Variants in RABGAP1L observed in about 807,000 individuals in gnomAD.
RABGAP1L encodes RAB GTPase activating protein 1 like, also known as rab GTPase-activating protein 1-like.
In RABGAP1L, 63 loss-of-function variants were observed where a neutral mutation model predicts 137.7. The ratio of observed to expected loss-of-function variants is 0.46; its 90% CI spans 0.37 to 0.56. The LOEUF (loss-of-function observed/expected upper bound fraction) is 0.56, where lower values mean the gene tolerates loss of function less well. Ranked by LOEUF, RABGAP1L falls within the 20% of genes least tolerant of loss-of-function variation. RABGAP1L has a pLI of 0.00. For missense variants in RABGAP1L, 1,095 were observed against 1,244.0 expected, an observed-to-expected ratio of 0.88 and a Z score of 1.80; for synonymous variants, 431 against 433.7, an observed-to-expected ratio of 0.99 and a Z score of 0.08.
At position 174,982,844 on chromosome 1, in the gene RABGAP1L, A is replaced by G. The variant is rs1339301085; in HGVS notation, c.2744A>G (p.Gln915Arg). The change falls in exon 24 of 26, where the codon CAG (glutamine) becomes CGG (arginine). Residue 915 changes from glutamine (Q) to arginine (R), a missense_variant. By Grantham distance (43) the Gln-to-Arg change is conservative. Coordinates refer to ENST00000681986, the MANE Select transcript of RABGAP1L (RefSeq NM_001366446.1). ...IIAEYKQICSQLSTRLEKQQA... is the reference protein window; with the variant it reads ...IIAEYKQICSRLSTRLEKQQA... Reference sequence around the variant, plus strand: ...TTTTCTCATCCTTAGATCTGTTCGCAGTTGAGTACCAGGCTGGAGAAACAG... The same window carrying G: ...TTTTCTCATCCTTAGATCTGTTCGCGGTTGAGTACCAGGCTGGAGAAACAG... 6.5e-7 allele frequency: 1 copy of G among 1,550,352 alleles called. No homozygotes were observed. The highest frequency in any genetic ancestry group is 2.0e-5 in the Admixed American group (1 of 50,992).
intron 11 of RABGAP1L, chr1:174,367,489 T>TA (rs1402850120): frequency 5.2e-6 from 1 of 193,894 alleles, no homozygotes; most frequent in East Asian, 1.6e-4. Flanking sequence ...AAAGAAAAGT[T>TA]ACCTGTGAAG....
At chr1:174,581,759 A>T (rs562591056) in intron 13 of RABGAP1L, among the ~76,000 whole-genome samples, 1 of 152,242 alleles carries the variant, frequency 6.6e-6, no homozygotes, top group East Asian at 1.9e-4. Flanking sequence ...TTTCTGGGAG[A>T]CAAAGCTCAG....
intron 18 of RABGAP1L, among the ~76,000 whole-genome samples, chr1:174,770,928 C>T (rs1686069552): frequency 6.6e-6 from 1 of 152,196 alleles, no homozygotes; most frequent in Non-Finnish European, 1.5e-5. Context: ...GTTGTCACAT[C>T]TAATAGGGGA....
At chr1:174,496,076 A>C (rs1660706980) in intron 13 of RABGAP1L, among the ~76,000 whole-genome samples, 1 of 152,182 alleles carries the variant, frequency 6.6e-6, no homozygotes, top group Non-Finnish European at 1.5e-5. Context: ...AACTGTAGAC[A>C]TGAAAGTTTA....
intron 4 of RABGAP1L, among the ~76,000 whole-genome samples, chr1:174,233,987 G>A (rs1198710743): frequency 7.3e-6 from 1 of 137,588 alleles, no homozygotes; most frequent in East Asian, 2.0e-4. Context: ...ATCTCATAGT[G>A]GTTTTGATTT....
rs1014469311 is a variant in RABGAP1L, at chr1:174,309,379, C to T, written c.1465+4252C>T. On this transcript the variant is annotated intron_variant, in intron 11 of 25. Coordinates refer to ENST00000681986, the MANE Select transcript of RABGAP1L (RefSeq NM_001366446.1). ...TCTTGCCTAATTGCTTTGGCCAGGA[C>T]TCATTACTATTTTGAATAGAAGTGG... Among the ~76,000 whole-genome samples the T allele has an allele frequency of 3.9e-5, 6 of 152,150 alleles. No homozygotes were observed. The East Asian group carries it at 1.2e-3, about 29-fold the overall frequency.
intron 13 of RABGAP1L, among the ~76,000 whole-genome samples, chr1:174,509,264 A>G (rs1432235547): frequency 2.0e-5 from 3 of 152,222 alleles, no homozygotes; most frequent in South Asian, 2.1e-4. Flanking sequence ...TGTAATACCT[A>G]TTCTATATCC....
At chr1:174,824,913 T>C (rs898007921) in intron 19 of RABGAP1L, among the ~76,000 whole-genome samples, 1 of 152,176 alleles carries the variant, frequency 6.6e-6, no homozygotes. Flanking sequence ...CCAACTGTTG[T>C]TTGTCAAGCC....
At chr1:174,617,609 A>G (rs1672011057) in intron 13 of RABGAP1L, among the ~76,000 whole-genome samples, 1 of 152,204 alleles carries the variant, frequency 6.6e-6, no homozygotes, top group Admixed American at 6.5e-5. Flanking sequence ...TGCTGTTATA[A>G]AAGGGCATAC....
chr1:174,535,484 A>G (rs912584164), intron 13 of RABGAP1L, among the ~76,000 whole-genome samples: 2 of 152,184 alleles, frequency 1.3e-5, no homozygotes, highest in Non-Finnish European at 2.9e-5. Flanking sequence ...CAGCCTGGGT[A>G]GTTACTATTA....
At chr1:174,527,581 A>G (rs1664002781) in intron 13 of RABGAP1L, among the ~76,000 whole-genome samples, 1 of 152,202 alleles carries the variant, frequency 6.6e-6, no homozygotes, top group Admixed American at 6.5e-5. Flanking sequence ...ATAATGTTCC[A>G]TGTGCTGATG....
At chr1:174,445,651 A>G (rs1470825592) in intron 13 of RABGAP1L, among the ~76,000 whole-genome samples, 1 of 152,122 alleles carries the variant, frequency 6.6e-6, no homozygotes, top group Non-Finnish European at 1.5e-5. Flanking sequence ...GAGAGAAGTT[A>G]GTAGTCATAT....
At chr1:174,700,799 C>A in intron 16 of RABGAP1L, 1 of 199,400 alleles carries the variant, frequency 5.0e-6, no homozygotes, top group Non-Finnish European at 1.0e-5. Flanking sequence ...TTAATTCTAC[C>A]AAGTAAATAT....
chr1:174,785,488 T>C (rs368029611), intron 18 of RABGAP1L, among the ~76,000 whole-genome samples: 5 of 152,340 alleles, frequency 3.3e-5, no homozygotes, highest in African/African-American at 1.2e-4. Context: ...CTTGGCTTGG[T>C]ATATTATGCT....
At chr1:174,283,498 T>G (rs995828576) in intron 10 of RABGAP1L, among the ~76,000 whole-genome samples, 2 of 151,824 alleles carry the variant, frequency 1.3e-5, no homozygotes, top group Non-Finnish European at 2.9e-5. Flanking sequence ...GAGTTGCTGT[T>G]TTTTTTGTTT....
intron 1 of RABGAP1L, among the ~76,000 whole-genome samples, chr1:174,209,754 G>A (rs1363852619): frequency 6.6e-6 from 1 of 152,282 alleles, no homozygotes; most frequent in East Asian, 1.9e-4. Context: ...AGCTGCCATA[G>A]GCGGTAGCCA....
intron 13 of RABGAP1L, among the ~76,000 whole-genome samples, chr1:174,395,384 A>G (rs1382399749): frequency 6.6e-6 from 1 of 151,792 alleles, no homozygotes; most frequent in African/African-American, 2.4e-5. Flanking sequence ...CTGCATGTCA[A>G]GTTTTTTTTT....
At chr1:174,755,060 A>G (rs1384859223) in intron 18 of RABGAP1L, among the ~76,000 whole-genome samples, 5 of 152,256 alleles carry the variant, frequency 3.3e-5, no homozygotes, top group African/African-American at 4.8e-5. Context: ...TAATTGAGAG[A>G]TCAAAGCTCA....
chr1:174,907,469 C>G (rs1390321153), intron 19 of RABGAP1L, among the ~76,000 whole-genome samples: 2 of 152,000 alleles, frequency 1.3e-5, no homozygotes, highest in African/African-American at 4.8e-5. Context: ...TGTGCCACCA[C>G]ACCTGGCTCA....
Sources: allele counts gnomAD v4.1 joint callset (sites outside exome capture counted in the v4.1 genomes callset), GRCh38; gene constraint gnomAD v4.1.1; transcripts MANE v1.5; gene names NCBI Gene and HGNC (gene_info 2026-07-23, HGNC 2026-07-21).